Variants in PDE1C observed in about 807,000 individuals in gnomAD.
PDE1C encodes the protein phosphodiesterase 1C.
Under a neutral mutation model 93.1 loss-of-function variants are expected in PDE1C, and 62 were observed. That is an observed-to-expected ratio of 0.67 (90% confidence interval 0.54 to 0.82). The LOEUF is 0.82. PDE1C is among the 40% of genes least tolerant of loss of function. The pLI, the probability that PDE1C is intolerant of heterozygous loss-of-function variation, is 0.00. For synonymous variants in PDE1C, 325 were observed against 310.1 expected (o/e 1.05, Z -0.50); for missense variants, 742 against 884.6 (o/e 0.84, Z 2.04).
chr7:31,923,290 T>C (rs1240785409), intron 2 of PDE1C, among the ~76,000 whole-genome samples: 1 of 152,216 alleles, frequency 6.6e-6, no homozygotes, highest in African/African-American at 2.4e-5. Context: ...AGCTGCATGT[T>C]AGAATCACTT....
At chr7:32,031,542 C>T (rs77349051) in intron 2 of PDE1C, among the ~76,000 whole-genome samples, 6,195 of 152,154 alleles carry the variant, frequency 0.041, 153 homozygotes, top group Middle Eastern at 0.088. Flanking sequence ...ACAGCCAGTT[C>T]CTTTTTTGAT....
In PDE1C at chr7:32,327,769, C is replaced by CAAAA. The variant is rs34543961; in HGVS notation, c.310+100049_310+100052dup. On this transcript the variant is annotated intron_variant, in intron 1 of 1. Transcript: ENST00000672256. The stretch of plus-strand genomic sequence containing the variant: ...TGGGCAACAGCGCTAGACTCTGTCT[C>CAAAA]AAAAAAAAAAAAAAAAAAAAAGAGA... 1.4e-3 allele frequency among the ~76,000 whole-genome samples: 149 copies of CAAAA among 104,756 alleles called. 1 individual carries two copies. Among genetic ancestry groups the CAAAA allele is most frequent in the Non-Finnish European group, 2.0e-3 (105 of 51,374 alleles). 68.7% of individuals were successfully genotyped at this position (104,756 alleles called of 152,430 possible).
intron 1 of PDE1C, among the ~76,000 whole-genome samples, chr7:32,226,566 GC>G (rs1403204056): frequency 6.6e-6 from 1 of 152,182 alleles, no homozygotes. Context: ...TCAGAGGGGG[GC>G]CCCTGATGAG....
chr7:31,837,807 A>G, intron 10 of PDE1C, 63 bp downstream of exon 10: 1 of 1,000,778 alleles, frequency 1.0e-6, no homozygotes, highest in Non-Finnish European at 1.6e-6. Flanking sequence ...AGGGATAGCC[A>G]CATAGACGAG....
chr7:31,834,371 A>G (rs945399280), intron 11 of PDE1C, among the ~76,000 whole-genome samples: 5 of 152,174 alleles, frequency 3.3e-5, no homozygotes, highest in Admixed American at 3.3e-4. Context: ...GTCCACTGAC[A>G]ACTTGCACCA....
intron 17 of PDE1C, among the ~76,000 whole-genome samples, chr7:31,768,137 T>C (rs1795255235): frequency 6.6e-6 from 1 of 152,240 alleles, no homozygotes; most frequent in East Asian, 1.9e-4. Flanking sequence ...TGTTTAATCA[T>C]GTGGTCCTAA....
intron 1 of PDE1C, among the ~76,000 whole-genome samples, chr7:32,397,667 C>T (rs145441170): frequency 1.3e-5 from 2 of 152,148 alleles, no homozygotes; most frequent in African/African-American, 2.4e-5. Flanking sequence ...AATCTAAATG[C>T]CTATAGGAGA....
intron 3 of PDE1C, among the ~76,000 whole-genome samples, chr7:32,120,186 C>T (rs1799218506): frequency 6.6e-6 from 1 of 152,192 alleles, no homozygotes; most frequent in South Asian, 2.1e-4. Flanking sequence ...GCAGGGCCTC[C>T]CTGAAGGAAC....
Position 32,181,834 on chromosome 7 carries a change from T to C in PDE1C, c.137-11878A>G, listed in dbSNP as rs1173243157. ...CTGAAGGAAATAGAGACACAAAAAA[T>C]CCTTCAAAAAATCAATGAATCCAGG... On this transcript the variant is annotated intron_variant, in intron 2 of 18. Coordinates refer to the PDE1C transcript ENST00000396193. Among the ~76,000 whole-genome samples, 5 of 151,860 alleles carry C rather than the reference T, an allele frequency of 3.3e-5. No homozygotes were observed. In the East Asian group the frequency reaches 9.7e-4, roughly 29 times the overall value.
the PDE1C span, among the ~76,000 whole-genome samples, chr7:31,739,437 T>C: frequency 6.6e-6 from 1 of 152,136 alleles, no homozygotes; most frequent in Non-Finnish European, 1.5e-5. Flanking sequence ...AGCATCGTGA[T>C]CTTGATGGGA....
chr7:31,876,945 A>G (rs775019020), intron 5 of PDE1C, among the ~76,000 whole-genome samples: 1 of 152,198 alleles, frequency 6.6e-6, no homozygotes, highest in Non-Finnish European at 1.5e-5. Flanking sequence ...ATGAATACAT[A>G]ATCAAGATTG....
At chr7:31,969,212 G>C (rs768063691) in intron 2 of PDE1C, among the ~76,000 whole-genome samples, 2 of 152,070 alleles carry the variant, frequency 1.3e-5, no homozygotes, top group African/African-American at 4.8e-5. Flanking sequence ...GCAACCTACA[G>C]AATGGGAGAA....
chr7:31,741,227 T>C, the PDE1C span, among the ~76,000 whole-genome samples: 2 of 152,164 alleles, frequency 1.3e-5, no homozygotes, highest in African/African-American at 4.8e-5. Flanking sequence ...CTTTCCTGAG[T>C]ATTATTACTT....
chr7:32,358,256 T>C (rs867360140), intron 1 of PDE1C, among the ~76,000 whole-genome samples: 1 of 152,068 alleles, frequency 6.6e-6, no homozygotes, highest in African/African-American at 2.4e-5. Flanking sequence ...AACACAAGAG[T>C]ATCTTTCCTT....
At chr7:31,774,302 G>GT (rs138211852) in intron 17 of PDE1C, among the ~76,000 whole-genome samples, 3,288 of 152,022 alleles carry the variant, frequency 0.022, 120 homozygotes, top group African/African-American at 0.074. Flanking sequence ...TAAAAAAACT[G>GT]TTTTTTTAAT....
intron 16 of PDE1C, among the ~76,000 whole-genome samples, chr7:31,792,435 A>G (rs1413380680): frequency 6.6e-6 from 1 of 152,110 alleles, no homozygotes; most frequent in Admixed American, 6.6e-5. Context: ...GTTTCCCTCC[A>G]CCCTTTTTCT....
chr7:32,195,498 C>T lies in PDE1C; in HGVS notation c.136+13991G>A, dbSNP rs955001014. Among the ~76,000 whole-genome samples, 4 of 152,204 alleles carry T rather than the reference C, an allele frequency of 2.6e-5. No individual in the cohort carries two copies. In the East Asian group the frequency reaches 7.7e-4, roughly 29 times the overall value. On this transcript the variant is annotated intron_variant, in intron 2 of 18. Coordinates refer to the PDE1C transcript ENST00000396193. ...TGTTCTCATTCAAATTGTGTTTTCC[C>T]TATGAGTAAGATGTCTCTTTTATCT...
chr7:32,296,750 C>A (rs1812624551), intron 1 of PDE1C, among the ~76,000 whole-genome samples: 1 of 152,156 alleles, frequency 6.6e-6, no homozygotes, highest in Non-Finnish European at 1.5e-5. Context: ...AATTTTCTTA[C>A]CAGAGTCAAG....
chr7:32,320,940 A>G (rs1783279417), intron 1 of PDE1C, among the ~76,000 whole-genome samples: 1 of 152,188 alleles, frequency 6.6e-6, no homozygotes, highest in Non-Finnish European at 1.5e-5. Flanking sequence ...GAGACTCAAA[A>G]TAAAATGTGC....
Sources: gnomAD v4.1 joint callset for allele counts (sites outside exome capture counted in the v4.1 genomes callset) on GRCh38, gnomAD v4.1.1 for gene constraint, MANE v1.5 for transcripts, NCBI Gene and HGNC (gene_info 2026-07-23, HGNC 2026-07-21) for gene names.